Variants in PARP4 observed in about 807,000 individuals in gnomAD.
The protein encoded by PARP4 is poly(ADP-ribose) polymerase family member 4.
A neutral mutation model predicts 187.7 loss-of-function variants in PARP4; 120 were observed. The observed-to-expected ratio is 0.64, with a 90% CI of 0.55 to 0.74. PARP4 has a LOEUF of 0.74. Ranked by LOEUF, PARP4 falls within the 30% of genes least tolerant of loss-of-function variation. PARP4 has a pLI of 0.00. For missense variants in PARP4, 1,836 were observed against 2,070.5 expected, an observed-to-expected ratio of 0.89 and a Z score of 2.20; for synonymous variants, 654 against 740.9, an observed-to-expected ratio of 0.88 and a Z score of 1.90.
chr13:24,495,516 T>A (rs1269681197), intron 6 of PARP4, among the ~76,000 whole-genome samples: 1 of 152,142 alleles, frequency 6.6e-6, no homozygotes, highest in Non-Finnish European at 1.5e-5. Context: ...AGGCTCCAGC[T>A]CCTCCCTCAT....
chr13:24,446,038 CT>C (rs1336170095), intron 27 of PARP4, among the ~76,000 whole-genome samples: 18 of 152,176 alleles, frequency 1.2e-4, no homozygotes, highest in African/African-American at 4.1e-4. Flanking sequence ...AATTCATTTG[CT>C]TTTAATCAAA....
intron 28 of PARP4, 72 bp from the exon 29 acceptor site, chr13:24,442,757 AT>A: frequency 7.1e-6 from 6 of 841,758 alleles, no homozygotes; most frequent in Non-Finnish European, 1.2e-5. Flanking sequence ...TCATTTTAAG[AT>A]TCGTATTTCA....
rs1365906224 is a variant in PARP4 at position 24,503,589 on chromosome 13, T to G, written c.132+56A>C. The G allele has an allele frequency of 4.4e-6, 7 of 1,590,842 alleles. No homozygotes were observed. In the Admixed American group the frequency reaches 5.0e-5, roughly 11 times the overall value. On this transcript the variant is annotated intron_variant, in intron 2 of 33. Transcript: ENST00000381989. Reference sequence around the variant, plus strand: ...CTGCTTCCTCTTCTAACCATGACCCTGTTCCCTGAATGCGCAATGTTTTAT... The same window carrying G: ...CTGCTTCCTCTTCTAACCATGACCCGGTTCCCTGAATGCGCAATGTTTTAT...
Position 24,426,106 on chromosome 13 carries a change from C to T in PARP4, c.4979+360G>A, listed in dbSNP as rs141645275. ...AAATACTTGTATTGTATTCTTGTCC[C>T]AGGCCCTGCCATTGTTGGGAACAGG... On this transcript the variant is annotated intron_variant, in intron 33 of 33. Coordinates refer to ENST00000381989, the MANE Select transcript of PARP4 (RefSeq NM_006437.4). Among the ~76,000 whole-genome samples, 510 of 152,274 alleles carry T rather than the reference C, an allele frequency of 3.3e-3. 7 individuals carry two copies. Among genetic ancestry groups the T allele is most frequent in the African/African-American group, 0.011 (469 of 41,556 alleles).
chr13:24,504,105 TA>T (rs1593657766), intron 1 of PARP4, among the ~76,000 whole-genome samples: 1 of 152,178 alleles, frequency 6.6e-6, no homozygotes, highest in East Asian at 1.9e-4. Flanking sequence ...CATTTATTTC[TA>T]AATTAGAAAT....
In PARP4 at chr13:24,483,282, C is replaced by T. The variant is rs188132134; in HGVS notation, c.1448+1371G>A. Among the ~76,000 whole-genome samples, 740 of 151,110 alleles carry T rather than the reference C, an allele frequency of 4.9e-3. 9 individuals are homozygous for T. Among genetic ancestry groups the T allele is most frequent in the African/African-American group, 0.017 (710 of 41,156 alleles). Reference sequence around the variant, plus strand: ...CGGGTGGATCATGAGGTCAGGAGATCGAGACCATCCTGGCTAACAAGGTGA... The same window carrying T: ...CGGGTGGATCATGAGGTCAGGAGATTGAGACCATCCTGGCTAACAAGGTGA... On this transcript the variant is annotated intron_variant, in intron 12 of 33. Transcript: ENST00000381989.
rs576310339 is a variant in PARP4 at position 24,464,330 on chromosome 13, G to A, written c.2134-4194C>T. 1.1e-4 allele frequency among the ~76,000 whole-genome samples: 17 copies of A among 152,202 alleles called. 1 individual carries two copies. In the South Asian group the frequency reaches 2.7e-3, roughly 24 times the overall value. ...TTCATATGGAACCAAAAAAGAGCCT[G>A]TAGAGCCAAGACAATCCTAAGCAAA... On this transcript the variant is annotated intron_variant, in intron 17 of 33. Transcript: ENST00000381989.
At chr13:24,483,003 G>C (rs1566012829) in intron 12 of PARP4, among the ~76,000 whole-genome samples, 2 of 151,940 alleles carry the variant, frequency 1.3e-5, no homozygotes, top group African/African-American at 4.8e-5. Context: ...TGTTACTACA[G>C]TGCTCTTTTT....
chr13:24,490,775 T>G lies in PARP4; in HGVS notation c.1107A>C (p.Pro369=). 2 of 1,614,068 alleles carry G rather than the reference T, an allele frequency of 1.2e-6. No homozygotes were observed. The highest frequency in any genetic ancestry group is 1.7e-6 in the Non-Finnish European group (2 of 1,179,932). Residue 369 remains proline (P), a synonymous_variant, in exon 10 of 34, where the codon CCA becomes CCC. Coordinates refer to ENST00000381989, the MANE Select transcript of PARP4 (RefSeq NM_006437.4). ...AAGCTCGGTATTTGGCCAGGGATGG[T>G]GGGTTGGGTTTGGACAAATTAGTTT... ...VCETNLSKPN[P]PSLAKYRALR... is the part of the protein sequence containing the mutation.
chr13:24,423,711 T>C (rs1206744427), intron 33 of PARP4, among the ~76,000 whole-genome samples: 1 of 151,918 alleles, frequency 6.6e-6, no homozygotes, highest in Non-Finnish European at 1.5e-5. Context: ...AGGGTCTCGC[T>C]TTGTTGCCCA....
intron 27 of PARP4, among the ~76,000 whole-genome samples, chr13:24,444,740 C>G (rs1346330080): frequency 6.6e-6 from 1 of 152,174 alleles, no homozygotes; most frequent in Non-Finnish European, 1.5e-5. Context: ...TTCAGAGGGA[C>G]AGCAGACATA....
intron 12 of PARP4, among the ~76,000 whole-genome samples, chr13:24,479,383 G>C (rs1041648512): frequency 6.6e-6 from 1 of 152,112 alleles, no homozygotes; most frequent in Non-Finnish European, 1.5e-5. Context: ...TCTCCCTGGA[G>C]CTCTCTCTAT....
intron 22 of PARP4, among the ~76,000 whole-genome samples, chr13:24,453,877 G>A (rs987382209): frequency 6.6e-6 from 1 of 152,192 alleles, no homozygotes; most frequent in African/African-American, 2.4e-5. Context: ...CACTTTGGGA[G>A]GCCGAGGTGG....
chr13:24,492,902 A>G (rs1015314872), intron 8 of PARP4, among the ~76,000 whole-genome samples: 16 of 152,248 alleles, frequency 1.1e-4, no homozygotes, highest in African/African-American at 2.2e-4. Flanking sequence ...CAACTGTGAT[A>G]GACTTGCTTT....
Position 24,465,288 on chromosome 13 carries a change from G to A in PARP4, c.2133+3736C>T, listed in dbSNP as rs185996338. 1.3e-3 allele frequency among the ~76,000 whole-genome samples: 196 copies of A among 152,272 alleles called. 3 individuals are homozygous for A. In the East Asian group the frequency reaches 0.02, roughly 16 times the overall value. On this transcript the variant is annotated intron_variant, in intron 17 of 33. Coordinates refer to ENST00000381989, the MANE Select transcript of PARP4 (RefSeq NM_006437.4). ...TTTGACCCACCAATCCCATTACTGGGTATATACCCAAAGGAATATAAATCA... is the reference window on the plus strand; with the variant it reads ...TTTGACCCACCAATCCCATTACTGGATATATACCCAAAGGAATATAAATCA...
chr13:24,484,636 T>C lies in PARP4; in HGVS notation c.1448+17A>G. On this transcript the variant is annotated intron_variant, in intron 12 of 33. Transcript: ENST00000381989. ...CAAGTATTCAGTAACGATTCTGTGA[T>C]TAAGGATCGAACATACCTGAGCGAA... 1 of 1,552,242 alleles carries C rather than the reference T, an allele frequency of 6.4e-7. No homozygotes were observed. Among genetic ancestry groups the C allele is most frequent in the Non-Finnish European group, 8.9e-7 (1 of 1,123,564 alleles).
chr13:24,482,702 G>A (rs1185354263), intron 12 of PARP4, among the ~76,000 whole-genome samples: 2 of 152,128 alleles, frequency 1.3e-5, no homozygotes, highest in Non-Finnish European at 2.9e-5. Context: ...ATAGACTAGA[G>A]TGTAAACCTC....
intron 25 of PARP4, among the ~76,000 whole-genome samples, chr13:24,449,074 C>T (rs940861437): frequency 6.6e-6 from 1 of 152,164 alleles, no homozygotes; most frequent in African/African-American, 2.4e-5. Flanking sequence ...GTAGCTAATA[C>T]CACTAAATTG....
chr13:24,459,434 G>A (rs1383473095), intron 18 of PARP4, 124 bp from the exon 19 acceptor site: 3 of 879,762 alleles, frequency 3.4e-6, no homozygotes, highest in Non-Finnish European at 5.0e-6. Flanking sequence ...CTTTCAAGCA[G>A]TGAAACACAG....
Sources: allele counts gnomAD v4.1 joint callset (sites outside exome capture counted in the v4.1 genomes callset), GRCh38; gene constraint gnomAD v4.1.1; transcripts MANE v1.5; gene names NCBI Gene and HGNC (gene_info 2026-07-23, HGNC 2026-07-21).